CLEC16A: variants seen among roughly 807,000 people sequenced by gnomAD.
CLEC16A encodes the protein protein CLEC16A.
Under a neutral mutation model 109.5 loss-of-function variants are expected in CLEC16A, and 51 were observed. The ratio of observed to expected loss-of-function variants is 0.47; its 90% CI spans 0.37 to 0.59. The LOEUF is 0.59. Among genes scored for constraint, CLEC16A ranks in the 20% least tolerant of loss-of-function variants. The pLI is 0.00. For missense variants in CLEC16A, 1,339 were observed against 1,394.0 expected, an observed-to-expected ratio of 0.96 and a Z score of 0.63; for synonymous variants, 673 against 564.2, an observed-to-expected ratio of 1.19 and a Z score of -2.73.
intron 11 of CLEC16A, among the ~76,000 whole-genome samples, chr16:11,018,805 C>T (rs1799731093): frequency 2.0e-5 from 3 of 150,902 alleles, no homozygotes; most frequent in African/African-American, 7.4e-5. Context: ...AGTGAGAAGC[C>T]CAGCACAGCT....
rs2042775286 is a variant in CLEC16A at position 10,971,298 on chromosome 16, G to A, written c.598+68G>A. ...TGGCAGCAAGCACTCACTCCCGTGT[G>A]TGTGCGTACAGTTCTCCGATTGTCA... On this transcript the variant is annotated intron_variant, in intron 5 of 23. Coordinates refer to ENST00000409790, the MANE Select transcript of CLEC16A (RefSeq NM_015226.3). 4 of 1,134,484 alleles carry A rather than the reference G, an allele frequency of 3.5e-6. No homozygotes were observed. In the Admixed American group the frequency reaches 5.9e-5, roughly 17 times the overall value. The allele number at this position is 1,134,484 out of a possible 1,614,324, so 70.3% of individuals were successfully genotyped here. A position where few individuals can be genotyped will look rare whatever the true frequency, so the allele number is the denominator to read the frequency against.
rs116598552 is a variant in CLEC16A at position 11,001,510 on chromosome 16, C to G, written c.1072-1564C>G. On this transcript the variant is annotated intron_variant, in intron 10 of 23. Transcript: ENST00000409790. ...TAAGCCCCAATTCAAATTCTGACTC[C>G]AACTCAGTAGCTGTGTGACATTGGG... 4.5e-3 allele frequency among the ~76,000 whole-genome samples: 682 copies of G among 152,316 alleles called. 5 individuals carry two copies. Among genetic ancestry groups the G allele is most frequent in the Middle Eastern group, 0.031 (9 of 294 alleles).
chr16:11,131,745 G>A (rs1236073947), intron 22 of CLEC16A, among the ~76,000 whole-genome samples: 1 of 152,116 alleles, frequency 6.6e-6, no homozygotes, highest in African/African-American at 2.4e-5. Context: ...AGCCCCTCCT[G>A]TCACCAGCCC....
chr16:11,092,226 C>G (rs180904747), intron 19 of CLEC16A, among the ~76,000 whole-genome samples: 43 of 152,256 alleles, frequency 2.8e-4, no homozygotes, highest in East Asian at 2.5e-3. Context: ...CACCTGTAGT[C>G]CAAGCTGCTT....
chr16:11,118,824 A>G (rs9927527), intron 19 of CLEC16A, among the ~76,000 whole-genome samples: 60,677 of 152,066 alleles, frequency 0.4, 12,653 homozygotes, highest in African/African-American at 0.53. Flanking sequence ...TACAGTGAGA[A>G]AGAGGGGTCC....
chr16:11,051,664 A>G, intron 18 of CLEC16A, 23 bp downstream of exon 18: 1 of 1,610,458 alleles, frequency 6.2e-7, no homozygotes, highest in South Asian at 1.1e-5. Context: ...AGGACCTGTC[A>G]TCTCCTGGGC....
chr16:10,968,056 G>T (rs1213333170), intron 3 of CLEC16A, among the ~76,000 whole-genome samples: 3 of 152,238 alleles, frequency 2.0e-5, no homozygotes, highest in Non-Finnish European at 2.9e-5. Context: ...CCCAGCAGGT[G>T]TGAATCGTGT....
At chr16:11,165,489 C>T (rs986142511) in intron 22 of CLEC16A, among the ~76,000 whole-genome samples, 2 of 152,082 alleles carry the variant, frequency 1.3e-5, no homozygotes, top group Admixed American at 6.5e-5. Context: ...GAAACCCTAT[C>T]GCAAAAAAAC....
intron 19 of CLEC16A, among the ~76,000 whole-genome samples, chr16:11,089,952 T>C (rs751981265): frequency 1.3e-5 from 2 of 152,270 alleles, no homozygotes; most frequent in South Asian, 4.1e-4. Flanking sequence ...GCCTCCTTCA[T>C]GTGTGTTTGG....
At chr16:11,100,115 C>T (rs1034444785) in intron 19 of CLEC16A, among the ~76,000 whole-genome samples, 1 of 152,144 alleles carries the variant, frequency 6.6e-6, no homozygotes, top group Admixed American at 6.5e-5. Context: ...AAAAAAAATT[C>T]AATCCATGGC....
intron 11 of CLEC16A, among the ~76,000 whole-genome samples, chr16:11,007,719 G>A (rs976533188): frequency 6.6e-5 from 10 of 152,326 alleles, no homozygotes; most frequent in Middle Eastern, 3.4e-3. Context: ...GCACGTTTCT[G>A]TGGGACCCGT....
At chr16:11,070,300 G>C (rs1271676895) in intron 19 of CLEC16A, among the ~76,000 whole-genome samples, 1 of 151,846 alleles carries the variant, frequency 6.6e-6, no homozygotes, top group African/African-American at 2.4e-5. Context: ...ACGATCTCCT[G>C]ACCTCGTGAT....
Position 10,987,488 on chromosome 16 carries a change from C to T in CLEC16A, c.1071+4497C>T, listed in dbSNP as rs865787679. ...GGTCTCACCTCCCTTGTGAGAGACA[C>T]ACAAACTGCCTTTGGGATGTAAGAG... is the stretch of plus-strand genomic sequence containing the variant. On this transcript the variant is annotated intron_variant, in intron 10 of 23. Transcript: ENST00000409790. Among the ~76,000 whole-genome samples, 5 of 152,318 alleles carry T rather than the reference C, an allele frequency of 3.3e-5. No individual in the cohort carries two copies. In the South Asian group the frequency reaches 8.3e-4, roughly 25 times the overall value.
At chr16:10,972,507 GT>G in intron 5 of CLEC16A, 46 bp from the exon 6 acceptor site, 2 of 1,600,118 alleles carry the variant, frequency 1.2e-6, no homozygotes, top group South Asian at 1.1e-5. Context: ...ACTGTTGTCT[GT>G]TTTTTGCTTT....
intron 13 of CLEC16A, among the ~76,000 whole-genome samples, chr16:11,026,479 C>T (rs1397385066): frequency 7.2e-5 from 11 of 151,988 alleles, no homozygotes; most frequent in Non-Finnish European, 1.0e-4. Context: ...TTTTTAATGT[C>T]TGTAGGATCT....
In CLEC16A at chr16:11,178,357, G is replaced by C. The variant is rs774736219; in HGVS notation, c.2829G>C (p.Leu943=). The C allele has an allele frequency of 2.5e-6, 4 of 1,612,866 alleles. No individual in the cohort carries two copies. Among genetic ancestry groups the C allele is most frequent in the Non-Finnish European group, 3.4e-6 (4 of 1,179,288 alleles). Residue 943 remains leucine, a synonymous_variant, in exon 24 of 24, where the codon CTG becomes CTC. Transcript: ENST00000409790. The surrounding 1 kb of genome is among the most constrained non-coding windows in gnomAD (Gnocchi z 6.5). ...SPADAPMSPE[L]PKPHLPDQLV... Reference sequence around the variant, plus strand: ...CAGATGCCCCCATGAGTCCAGAACTGCCTAAGCCTCACCTTCCTGACCAGT... The same window carrying C: ...CAGATGCCCCCATGAGTCCAGAACTCCCTAAGCCTCACCTTCCTGACCAGT...
At chr16:11,175,606 C>T (rs1458347288) in intron 23 of CLEC16A, among the ~76,000 whole-genome samples, 1 of 152,334 alleles carries the variant, frequency 6.6e-6, no homozygotes, top group East Asian at 1.9e-4. Flanking sequence ...AGTTCTTAAA[C>T]AACAACAAGG....
intron 22 of CLEC16A, among the ~76,000 whole-genome samples, chr16:11,130,631 G>A (rs2053141702): frequency 6.6e-6 from 1 of 152,200 alleles, no homozygotes; most frequent in African/African-American, 2.4e-5. Flanking sequence ...GTTGGCCTCT[G>A]ATACTGTGAC....
chr16:11,068,466 T>C (rs185716959), intron 19 of CLEC16A, among the ~76,000 whole-genome samples: 1 of 152,368 alleles, frequency 6.6e-6, no homozygotes, highest in East Asian at 1.9e-4. Context: ...CTCCTCTTCA[T>C]GGGAGTGAAC....
Sources: allele counts gnomAD v4.1 joint callset (sites outside exome capture counted in the v4.1 genomes callset), GRCh38; gene constraint gnomAD v4.1.1; non-coding constraint Gnocchi (gnomAD v3.1); transcripts MANE v1.5; gene names NCBI Gene and HGNC (gene_info 2026-07-23, HGNC 2026-07-21).